The following GRIK2 variants were observed in gnomAD, a reference collection of about 807,000 sequenced individuals.
GRIK2 encodes the protein glutamate ionotropic receptor kainate type subunit 2, also known as glutamate receptor ionotropic, kainate 2.
In GRIK2, 32 loss-of-function variants were observed where a neutral mutation model predicts 100.3. The ratio of observed to expected loss-of-function variants is 0.32; its 90% CI spans 0.24 to 0.43. GRIK2 has a LOEUF of 0.43. Among genes scored for constraint, GRIK2 ranks in the 20% least tolerant of loss-of-function variants. The pLI is 1.00. For missense variants in GRIK2, 843 were observed against 1,114.9 expected, an observed-to-expected ratio of 0.76 and a Z score of 3.47; for synonymous variants, 417 against 389.4, an observed-to-expected ratio of 1.07 and a Z score of -0.83.
Position 101,858,372 on chromosome 6 carries a change from C to A in GRIK2, c.1318-915C>A, listed in dbSNP as rs991430476. Among the ~76,000 whole-genome samples the A allele has an allele frequency of 6.6e-4, 87 of 130,842 alleles. 1 individual carries two copies. Among genetic ancestry groups the A allele is most frequent in the South Asian group, 1.5e-3 (6 of 3,874 alleles). 85.8% of individuals were successfully genotyped at this position (130,842 alleles called of 152,430 possible). A position where few individuals can be genotyped will look rare whatever the true frequency, so the allele number is the denominator to read the frequency against. On this transcript the variant is annotated intron_variant, in intron 10 of 16. Coordinates refer to ENST00000369134, the MANE Select transcript of GRIK2 (RefSeq NM_021956.5). ...AAGATCACTTTCTTCCTCTCTCTCTCTCTATTTTTTTTTCTTTTTTTTTTT... is the reference window on the plus strand; with the variant it reads ...AAGATCACTTTCTTCCTCTCTCTCTATCTATTTTTTTTTCTTTTTTTTTTT...
chr6:101,869,056 GA>G (rs893997376), intron 11 of GRIK2, among the ~76,000 whole-genome samples: 2 of 151,726 alleles, frequency 1.3e-5, no homozygotes, highest in Non-Finnish European at 2.9e-5. Flanking sequence ...CTTGAATTAT[GA>G]AAAAAATGAC....
intron 11 of GRIK2, among the ~76,000 whole-genome samples, chr6:101,868,957 C>A (rs1785219328): frequency 6.6e-6 from 1 of 151,510 alleles, no homozygotes; most frequent in Non-Finnish European, 1.5e-5. Flanking sequence ...TTAGATAGTA[C>A]AACAATAGAG....
intron 7 of GRIK2, among the ~76,000 whole-genome samples, chr6:101,749,058 T>G (rs1213006523): frequency 1.3e-5 from 2 of 152,060 alleles, no homozygotes; most frequent in Non-Finnish European, 2.9e-5. Flanking sequence ...GAAAACAAAT[T>G]TATGTACATT....
chr6:101,490,290 TACCTCC>T (rs1773038613), intron 2 of GRIK2, among the ~76,000 whole-genome samples: 1 of 146,754 alleles, frequency 6.8e-6, no homozygotes, highest in Admixed American at 6.8e-5. Flanking sequence ...GGAATACTAA[TACCTCC>T]AGTTTGCATA....
chr6:102,060,375 A>T (rs1771685786), intron 16 of GRIK2, among the ~76,000 whole-genome samples: 1 of 150,782 alleles, frequency 6.6e-6, no homozygotes, highest in South Asian at 2.1e-4. Flanking sequence ...GGGGATGATA[A>T]GAAGAAAATC....
intron 14 of GRIK2, among the ~76,000 whole-genome samples, chr6:101,950,731 T>C (rs188499959): frequency 3.2e-4 from 48 of 152,284 alleles, no homozygotes; most frequent in Admixed American, 3.0e-3. Context: ...TTGTCTTTAT[T>C]TTTTGTAGCC....
At chr6:101,763,805 A>G (rs539425833) in intron 7 of GRIK2, among the ~76,000 whole-genome samples, 2 of 152,010 alleles carry the variant, frequency 1.3e-5, no homozygotes, top group East Asian at 3.9e-4. Context: ...TCTTAATATT[A>G]TTTGGAAAAG....
In GRIK2 at chr6:101,415,297, T is replaced by G. The variant is rs189518550; in HGVS notation, c.115+15905T>G. On this transcript the variant is annotated intron_variant, in intron 2 of 16. Coordinates refer to ENST00000369134, the MANE Select transcript of GRIK2 (RefSeq NM_021956.5). ...TTTATCCTTGATCTTACTGTATATG[T>G]TTTGTTAATTTTTTTCATTTAACCC... is the stretch of plus-strand genomic sequence containing the variant. 3.9e-3 allele frequency among the ~76,000 whole-genome samples: 592 copies of G among 151,938 alleles called. 5 individuals carry two copies. The highest frequency in any genetic ancestry group is 0.014 in the African/African-American group (567 of 41,448).
At chr6:101,985,521 G>A (rs764522036) in intron 14 of GRIK2, among the ~76,000 whole-genome samples, 1 of 151,716 alleles carries the variant, frequency 6.6e-6, no homozygotes, top group Non-Finnish European at 1.5e-5. Flanking sequence ...CTGCAAGTTT[G>A]GGACCATATT....
intron 2 of GRIK2, among the ~76,000 whole-genome samples, chr6:101,556,321 A>ATTTTTTTTTTTTTGTTTT (rs1776737415): frequency 1.7e-5 from 1 of 59,396 alleles, no homozygotes; most frequent in Non-Finnish European, 3.6e-5. Context: ...TATATTGGTA[A>ATTTTTTTTTTTTTGTTTT]TTTTTTTTTT....
chr6:101,662,018 T>C (rs532135750), intron 4 of GRIK2, among the ~76,000 whole-genome samples: 2 of 152,190 alleles, frequency 1.3e-5, no homozygotes, highest in African/African-American at 4.8e-5. Flanking sequence ...TTTACCTAAC[T>C]CACAGAATAC....
chr6:101,595,214 G>C (rs1169517097), intron 2 of GRIK2, among the ~76,000 whole-genome samples: 1 of 151,648 alleles, frequency 6.6e-6, no homozygotes, highest in African/African-American at 2.4e-5. Context: ...GAGGAAAACA[G>C]GGAGAGAAGA....
chr6:101,460,340 C>T (rs1334620968), intron 2 of GRIK2, among the ~76,000 whole-genome samples: 1 of 152,176 alleles, frequency 6.6e-6, no homozygotes, highest in African/African-American at 2.4e-5. Flanking sequence ...TTTTATAAAT[C>T]TAAGAGTCAG....
intron 12 of GRIK2, among the ~76,000 whole-genome samples, chr6:101,896,561 G>T (rs779780869): frequency 1.3e-5 from 2 of 151,384 alleles, no homozygotes; most frequent in African/African-American, 2.4e-5. Flanking sequence ...ATAATTTATT[G>T]TTAGGCCAAA....
At position 101,960,048 on chromosome 6, in the gene GRIK2, G is replaced by GT. The variant is rs3029100; in HGVS notation, c.2085+31420dup. ...TTATTTCTCAAAGCCTTTTTTTAGTGTTTTGTTTTTTTTTTTTTGTCTGAC... is the reference window on the plus strand; with the variant it reads ...TTATTTCTCAAAGCCTTTTTTTAGTGTTTTTGTTTTTTTTTTTTTGTCTGAC... On this transcript the variant is annotated intron_variant, in intron 14 of 16. Transcript: ENST00000369134. 5.8e-3 allele frequency among the ~76,000 whole-genome samples: 689 copies of GT among 118,218 alleles called. 31 individuals carry two copies. Among genetic ancestry groups the GT allele is most frequent in the Middle Eastern group, 0.026 (6 of 228 alleles). 77.6% of individuals were successfully genotyped at this position (118,218 alleles called of 152,430 possible).
chr6:102,026,865 C>G (rs780883847), intron 14 of GRIK2, among the ~76,000 whole-genome samples: 1 of 151,234 alleles, frequency 6.6e-6, no homozygotes, highest in African/African-American at 2.4e-5. Context: ...GATCACTGCA[C>G]TGGACTCAGA....
intron 2 of GRIK2, among the ~76,000 whole-genome samples, chr6:101,531,827 G>T (rs778221571): frequency 1.6e-4 from 25 of 151,548 alleles, no homozygotes; most frequent in Admixed American, 6.6e-4. Flanking sequence ...TGTTCTATCA[G>T]ATTTACTTCC....
rs115716966 is a variant in GRIK2 at position 101,665,438 on chromosome 6, G to A, written c.542-11185G>A. Among the ~76,000 whole-genome samples the A allele has an allele frequency of 2.6e-3, 399 of 152,284 alleles. 1 individual carries two copies. Among genetic ancestry groups the A allele is most frequent in the African/African-American group, 8.8e-3 (364 of 41,562 alleles). ...ACTGTCATAGTGTATGTCTGCTTTG[G>A]AGTTCATTGTATATTGAGTCAAATC... On this transcript the variant is annotated intron_variant, in intron 4 of 16. Transcript: ENST00000369134.
chr6:101,495,691 T>C (rs1459781277), intron 2 of GRIK2, among the ~76,000 whole-genome samples: 2 of 152,178 alleles, frequency 1.3e-5, no homozygotes, highest in Non-Finnish European at 2.9e-5. Flanking sequence ...TAAATGTTTT[T>C]AAGGCTTCTG....
Sources: gnomAD v4.1 joint callset for allele counts (sites outside exome capture counted in the v4.1 genomes callset) on GRCh38, gnomAD v4.1.1 for gene constraint, MANE v1.5 for transcripts, NCBI Gene and HGNC (gene_info 2026-07-23, HGNC 2026-07-21) for gene names.